The following IL21R variants were observed in gnomAD, a reference collection of about 807,000 sequenced individuals.
The protein encoded by IL21R is interleukin 21 receptor, also known as interleukin-21 receptor.
A neutral mutation model predicts 41.3 loss-of-function variants in IL21R; 14 were observed. That is an observed-to-expected ratio of 0.34 (90% CI 0.22 to 0.53). The LOEUF is 0.53. IL21R is among the 20% of genes least tolerant of loss of function. The pLI is 0.94. For synonymous variants in IL21R, 286 were observed against 287.6 expected, an observed-to-expected ratio of 0.99 and a Z score of 0.05; for missense variants, 588 against 681.6, an observed-to-expected ratio of 0.86 and a Z score of 1.53.
Position 27,402,441 on chromosome 16 carries a change from C to T in IL21R, c.-194C>T, listed in dbSNP as rs2141250027. On this transcript the variant is annotated 5_prime_UTR_variant, in exon 1 of 9. Transcript: ENST00000337929. ...GCTGCCCGTCATCAGAGTGACAGGT[C>T]TTATGACAGCCTGATTGGTGACTCG... The T allele has an allele frequency of 6.5e-6, 1 of 152,828 alleles. No homozygotes were observed. Among genetic ancestry groups the T allele is most frequent in the South Asian group, 2.1e-4 (1 of 4,844 alleles). The allele number at this position is 152,828 out of a possible 1,614,324, so 9.5% of individuals were successfully genotyped here.
chr16:27,432,686 T>C (rs924294996), intron 2 of IL21R, among the ~76,000 whole-genome samples: 1 of 152,202 alleles, frequency 6.6e-6, no homozygotes, highest in Non-Finnish European at 1.5e-5. Flanking sequence ...CAGTCCTGTT[T>C]TCTCCACCAA....
chr16:27,430,156 G>T, intron 2 of IL21R, 36 bp downstream of exon 2: 1 of 1,583,196 alleles, frequency 6.3e-7, no homozygotes, highest in East Asian at 2.2e-5. Context: ...GGTGGGGAGG[G>T]CCCCCATCAC....
intron 1 of IL21R, among the ~76,000 whole-genome samples, chr16:27,421,133 C>A (rs552379062): frequency 6.6e-6 from 1 of 152,130 alleles, no homozygotes; most frequent in East Asian, 1.9e-4. Flanking sequence ...ATATGCACTT[C>A]TTTCTGAACT....
chr16:27,437,711 T>C, intron 4 of IL21R, 24 bp downstream of exon 4: 1 of 1,599,688 alleles, frequency 6.3e-7, no homozygotes, highest in Non-Finnish European at 8.6e-7. Context: ...GACCCCAGGC[T>C]TAGGGTGGCA....
chr16:27,418,526 G>A (rs150392329), intron 1 of IL21R, among the ~76,000 whole-genome samples: 2,085 of 151,922 alleles, frequency 0.014, 29 homozygotes, highest in Admixed American at 0.053. Flanking sequence ...GCGCCACCAC[G>A]CTCGGCTAAT....
chr16:27,446,094 C>G lies in IL21R; in HGVS notation c.867+6C>G, dbSNP rs556600240. 6.2e-6 allele frequency: 10 copies of G among 1,612,274 alleles called. No homozygotes were observed. The South Asian group carries it at 1.1e-4, about 18-fold the overall frequency. ...GCTGCAGCGGAGACTTCAAGGTGAG[C>G]TCCCGACCCTGTGATGAGCTCCTCG... On this transcript the variant is annotated splice_donor_region_variant and intron_variant, in intron 8 of 8. Coordinates refer to ENST00000337929, the MANE Select transcript of IL21R (RefSeq NM_181078.3).
intron 4 of IL21R, 43 bp downstream of exon 4, chr16:27,437,730 T>C (rs1183622223): frequency 6.5e-7 from 1 of 1,535,618 alleles, no homozygotes; most frequent in South Asian, 1.1e-5. Context: ...CACTCAATCT[T>C]AGCTCACCGC....
chr16:27,446,268 G>T (rs1037194980), intron 8 of IL21R, among the ~76,000 whole-genome samples, 180 bp downstream of exon 8: 6 of 152,144 alleles, frequency 3.9e-5, no homozygotes, highest in Non-Finnish European at 7.3e-5. Context: ...CATTCTTGTG[G>T]TGCAGAATTG....
chr16:27,414,186 G>GTGTGTGTGTA (rs1016862427), intron 1 of IL21R, among the ~76,000 whole-genome samples: 1 of 151,718 alleles, frequency 6.6e-6, no homozygotes, highest in African/African-American at 2.4e-5. Flanking sequence ...GTGTGTGTGT[G>GTGTGTGTGTA]TGTGATCGTA....
rs1180188631 is a variant in IL21R at position 27,450,095 on chromosome 16, C to T, written c.*812C>T. On this transcript the variant is annotated 3_prime_UTR_variant, in exon 9 of 9. Coordinates refer to ENST00000337929, the MANE Select transcript of IL21R (RefSeq NM_181078.3). ...CTTCCTTCTGCGGCCAGAGCCGAGG[C>T]GGGCGGGGGTGAGAACATCAATCGT... 1.7e-5 allele frequency: 4 copies of T among 232,524 alleles called. No homozygotes were observed. The highest frequency in any genetic ancestry group is 3.4e-5 in the Non-Finnish European group (4 of 117,682). 14.4% of individuals were successfully genotyped at this position (232,524 alleles called of 1,614,324 possible).
intron 1 of IL21R, chr16:27,403,151 C>A: frequency 8.7e-7 from 1 of 1,150,532 alleles, no homozygotes; most frequent in South Asian, 1.3e-5. Flanking sequence ...GCAGGTCGGG[C>A]AGTCAAGCCA....
In IL21R at chr16:27,430,116, G is replaced by A; in HGVS notation, c.45G>A (p.Gln15=). Residue 15 remains glutamine, a synonymous_variant, in exon 2 of 9, where the codon CAG becomes CAA. Coordinates refer to ENST00000337929, the MANE Select transcript of IL21R (RefSeq NM_181078.3). ...WAAPLLLLLL[Q]GGWGCPDLVC... ...CCCCCTTGCTCCTGCTGCTGCTCCA[G>A]GGAGGTAAGTGGCTGCCCCGTGGTC... is the stretch of plus-strand genomic sequence containing the variant. 1.2e-6 allele frequency: 2 copies of A among 1,604,048 alleles called. No individual in the cohort carries two copies. The highest frequency in any genetic ancestry group is 1.7e-6 in the Non-Finnish European group (2 of 1,179,744).
chr16:27,414,857 T>C (rs1047694204), intron 1 of IL21R, among the ~76,000 whole-genome samples: 9 of 152,202 alleles, frequency 5.9e-5, no homozygotes, highest in African/African-American at 1.7e-4. Flanking sequence ...CAAACTTTTT[T>C]CTGCACCAAA....
chr16:27,430,093 C>A lies in IL21R; in HGVS notation c.22C>A (p.Pro8Thr). Reference protein sequence around the residue: MPRGWAAPLLLLLLQGGW... With the variant: MPRGWAATLLLLLLQGGW... Reference sequence around the variant, plus strand: ...CAGCATGCCGCGTGGCTGGGCCGCCCCCTTGCTCCTGCTGCTGCTCCAGGG... The same window carrying A: ...CAGCATGCCGCGTGGCTGGGCCGCCACCTTGCTCCTGCTGCTGCTCCAGGG... Residue 8 changes from proline to threonine, a missense_variant, in exon 2 of 9, where the codon CCC becomes ACC. Pro to Thr is a conservative substitution (Grantham distance 38). Transcript: ENST00000337929. 6.2e-7 allele frequency: 1 copy of A among 1,605,608 alleles called. No homozygotes were observed. Among genetic ancestry groups the A allele is most frequent in the East Asian group, 2.2e-5 (1 of 44,852 alleles).
chr16:27,435,169 G>A (rs552759028), intron 3 of IL21R, among the ~76,000 whole-genome samples: 50 of 152,122 alleles, frequency 3.3e-4, no homozygotes, highest in Non-Finnish European at 5.3e-4. Context: ...TAAGGCAGGG[G>A]GACCAAGCTC....
intron 1 of IL21R, among the ~76,000 whole-genome samples, chr16:27,421,335 CAAAAAAAAAAA>C (rs35250936): frequency 1.2e-5 from 1 of 84,196 alleles, no homozygotes; most frequent in Non-Finnish European, 2.2e-5. Context: ...TCAATTTCTG[CAAAAAAAAAAA>C]AAAAAAAAAA....
intron 1 of IL21R, among the ~76,000 whole-genome samples, chr16:27,429,470 C>T (rs1163838132): frequency 6.6e-6 from 1 of 152,088 alleles, no homozygotes; most frequent in Admixed American, 6.5e-5. Flanking sequence ...GCAGTCTCCT[C>T]CCTCTTTAAA....
chr16:27,422,742 T>A (rs2087016761), intron 1 of IL21R, among the ~76,000 whole-genome samples: 3 of 152,186 alleles, frequency 2.0e-5, no homozygotes, highest in Non-Finnish European at 4.4e-5. Flanking sequence ...TTTTCTATTG[T>A]CTATTTTATC....
Position 27,449,458 on chromosome 16 carries a change from ATGTGTG to A in IL21R, c.*189_*194del. On this transcript the variant is annotated 3_prime_UTR_variant, in exon 9 of 9. Transcript: ENST00000337929. ...TGCATATGTGTGTGTGTGCATATGC[ATGTGTG>A]TGTGTGTGTGTGTCTTAGGTGCGCA... 2 of 600,434 alleles carry A rather than the reference ATGTGTG, an allele frequency of 3.3e-6. No homozygotes were observed. Among genetic ancestry groups the A allele is most frequent in the South Asian group, 2.1e-5 (1 of 47,122 alleles). The allele number at this position is 600,434 out of a possible 1,614,324, so 37.2% of individuals were successfully genotyped here.
Sources: gnomAD v4.1 joint callset for allele counts (sites outside exome capture counted in the v4.1 genomes callset) on GRCh38, gnomAD v4.1.1 for gene constraint, MANE v1.5 for transcripts, NCBI Gene and HGNC (gene_info 2026-07-23, HGNC 2026-07-21) for gene names.